KCTD15: variants seen among roughly 807,000 people sequenced by gnomAD.
KCTD15 encodes BTB/POZ domain-containing protein KCTD15.
Under a neutral mutation model 27.2 loss-of-function variants are expected in KCTD15, and 11 were observed. The ratio of observed to expected loss-of-function variants is 0.41; its 90% CI spans 0.25 to 0.67. The LOEUF is 0.67. KCTD15 is among the 30% of genes least tolerant of loss of function. The pLI, the probability that KCTD15 is intolerant of heterozygous loss-of-function variation, is 0.35. For synonymous variants in KCTD15, 163 were observed against 176.0 expected, an observed-to-expected ratio of 0.93 and a Z score of 0.58; for missense variants, 350 against 409.3, an observed-to-expected ratio of 0.86 and a Z score of 1.25.
upstream of KCTD15, among the ~76,000 whole-genome samples, chr19:33,794,965 T>C (rs540068028): frequency 1.8e-4 from 27 of 152,278 alleles, no homozygotes; most frequent in African/African-American, 6.3e-4. Context: ...TACCGGGGCG[T>C]AGGGAGCAGA....
At chr19:33,804,010 C>G (rs1975640205) in intron 4 of KCTD15, among the ~76,000 whole-genome samples, 1 of 151,448 alleles carries the variant, frequency 6.6e-6, no homozygotes, top group South Asian at 2.1e-4. Flanking sequence ...GCCGGCCCCT[C>G]AAACCCTGCA....
rs1488314962 is a variant in KCTD15, at chr19:33,796,870, A to T, written c.-244A>T. 6.6e-6 allele frequency: 1 copy of T among 151,354 alleles called. No individual in the cohort carries two copies. The highest frequency in any genetic ancestry group is 1.5e-5 in the Non-Finnish European group (1 of 67,782). The allele number at this position is 151,354 out of a possible 1,614,324, so 9.4% of individuals were successfully genotyped here. A position where few individuals can be genotyped will look rare whatever the true frequency, so the allele number is the denominator to read the frequency against. On this transcript the variant is annotated 5_prime_UTR_variant, in exon 1 of 7. Coordinates refer to ENST00000683859, the MANE Select transcript of KCTD15 (RefSeq NM_001129994.2). ...TGGGGGCGAGAGAGAAAGTAACTCC[A>T]GGACGAGACCGGAGCGACCCGCGCA...
rs1476343301 is a variant in KCTD15 at position 33,808,069 on chromosome 19, G to C, written c.387+1062G>C. 3.3e-5 allele frequency among the ~76,000 whole-genome samples: 5 copies of C among 152,272 alleles called. No homozygotes were observed. The East Asian group carries it at 9.6e-4, about 29-fold the overall frequency. ...TCTCCGGGTGAGCCCGTCAGGGCAG[G>C]TGACCTGGTTCCCTGGGTCATGCCT... On this transcript the variant is annotated intron_variant, in intron 5 of 6. Coordinates refer to ENST00000683859, the MANE Select transcript of KCTD15 (RefSeq NM_001129994.2).
At chr19:33,806,698 A>C (rs1435044207) in intron 4 of KCTD15, among the ~76,000 whole-genome samples, 165 bp from the exon 5 acceptor site, 2 of 152,080 alleles carry the variant, frequency 1.3e-5, no homozygotes, top group Non-Finnish European at 2.9e-5. Flanking sequence ...TGGCTGCCCC[A>C]GGTGTGTGCA....
chr19:33,812,527 G>A, intron 6 of KCTD15: 1 of 1,246,548 alleles, frequency 8.0e-7, no homozygotes, highest in Non-Finnish European at 1.0e-6. Context: ...AAGGCCCTGA[G>A]GGCAGCAGGA....
At chr19:33,804,091 A>G (rs1249222300) in intron 4 of KCTD15, among the ~76,000 whole-genome samples, 1 of 152,204 alleles carries the variant, frequency 6.6e-6, no homozygotes, top group Non-Finnish European at 1.5e-5. Context: ...CTGGGAACTC[A>G]TACCTGCAGG....
At chr19:33,797,281 TGTGCGC>T (rs1284971861) in intron 1 of KCTD15, 2,142 of 170,102 alleles carry the variant, frequency 0.013, 31 homozygotes, top group African/African-American at 0.047. Context: ...TGTGTGTGTG[TGTGCGC>T]GCGCGCGCGC....
chr19:33,803,973 C>T (rs1332489158), intron 4 of KCTD15, among the ~76,000 whole-genome samples: 1 of 152,318 alleles, frequency 6.6e-6, no homozygotes, highest in African/African-American at 2.4e-5. Flanking sequence ...GTGAACTGGC[C>T]ACCTCATTCC....
chr19:33,806,194 G>C (rs751873400), intron 4 of KCTD15, among the ~76,000 whole-genome samples: 4 of 152,238 alleles, frequency 2.6e-5, no homozygotes, highest in Non-Finnish European at 4.4e-5. Context: ...GTCTGCCTCT[G>C]TTTCTCCCTG....
In KCTD15 at chr19:33,811,959, G is replaced by A. The variant is rs1039175139; in HGVS notation, c.693+407G>A. On this transcript the variant is annotated intron_variant, in intron 6 of 6. Coordinates refer to ENST00000683859, the MANE Select transcript of KCTD15 (RefSeq NM_001129994.2). Reference sequence around the variant, plus strand: ...CCCTCTCCCTGCTGACCTGGGAGTCGCAGGCACCCACCAGCTGCCAAGAGA... The same window carrying A: ...CCCTCTCCCTGCTGACCTGGGAGTCACAGGCACCCACCAGCTGCCAAGAGA... 4.0e-6 allele frequency: 6 copies of A among 1,509,928 alleles called. No homozygotes were observed. In the South Asian group the frequency reaches 4.1e-5, roughly 10 times the overall value. 93.5% of individuals were successfully genotyped at this position (1,509,928 alleles called of 1,614,324 possible).
chr19:33,813,552 G>T lies in KCTD15; in HGVS notation c.*604G>T, dbSNP rs1334673598. The T allele has an allele frequency of 1.9e-5, 7 of 371,362 alleles. No homozygotes were observed. Among genetic ancestry groups the T allele is most frequent in the Non-Finnish European group, 3.2e-5 (6 of 188,600 alleles). The allele number at this position is 371,362 out of a possible 1,614,324, so 23.0% of individuals were successfully genotyped here. On this transcript the variant is annotated 3_prime_UTR_variant, in exon 7 of 7. Transcript: ENST00000683859. The stretch of plus-strand genomic sequence containing the variant: ...CGGGACAGATGCAGGGATGTGTGCT[G>T]CAGGGCTGCTGGGAGGAGAGTGGTG...
Position 33,813,021 on chromosome 19 carries a change from C to G in KCTD15, c.*73C>G. On this transcript the variant is annotated 3_prime_UTR_variant, in exon 7 of 7. Transcript: ENST00000683859. ...TGCTGGGGAGTTCTGCCTGTGTATA[C>G]TTGGCCGTGGGCATGAGACCGAGGG... 2.8e-6 allele frequency: 4 copies of G among 1,444,120 alleles called. No individual in the cohort carries two copies. The East Asian group carries it at 9.9e-5, about 36-fold the overall frequency. 89.5% of individuals were successfully genotyped at this position (1,444,120 alleles called of 1,614,324 possible). A position where few individuals can be genotyped will look rare whatever the true frequency, so the allele number is the denominator to read the frequency against.
chr19:33,800,503 G>C lies in KCTD15; in HGVS notation c.49G>C (p.Gly17Arg). 6.2e-7 allele frequency: 1 copy of C among 1,600,666 alleles called. No individual in the cohort carries two copies. The highest frequency in any genetic ancestry group is 8.5e-7 in the Non-Finnish European group (1 of 1,175,062). ...RPSGSSLHTH[G>R]STGTAEGGNM... is the part of the protein sequence containing the mutation. ...GAGCGGGTCCTCGCTTCACACACACGGCAGCACCGGCACCGCGGTGAGCCT... is the reference window on the plus strand; with the variant it reads ...GAGCGGGTCCTCGCTTCACACACACCGCAGCACCGGCACCGCGGTGAGCCT... Residue 17 changes from glycine (G) to arginine (R), a missense_variant, in exon 3 of 7, where the codon GGC becomes CGC. Gly to Arg is a moderately radical substitution (Grantham distance 125, BLOSUM62 -2). This residue lies in a region of KCTD15 where 77 missense variants were observed against 72.7 expected (regional missense o/e 1.06). Coordinates refer to ENST00000683859, the MANE Select transcript of KCTD15 (RefSeq NM_001129994.2).
At chr19:33,806,307 A>G (rs992009960) in intron 4 of KCTD15, among the ~76,000 whole-genome samples, 1 of 152,064 alleles carries the variant, frequency 6.6e-6, no homozygotes, top group Admixed American at 6.5e-5. Context: ...CTGGATCTGC[A>G]TGATATGTGT....
At chr19:33,803,716 A>G (rs1353304447) in intron 4 of KCTD15, among the ~76,000 whole-genome samples, 1 of 151,868 alleles carries the variant, frequency 6.6e-6, no homozygotes, top group African/African-American at 2.4e-5. Flanking sequence ...GACCCCCGTT[A>G]GCTGCCGCCA....
intron 5 of KCTD15, among the ~76,000 whole-genome samples, chr19:33,808,086 G>T (rs1216080245): frequency 1.3e-5 from 2 of 152,264 alleles, no homozygotes; most frequent in Non-Finnish European, 2.9e-5. Context: ...GGTTCCCTGG[G>T]TCATGCCTCA....
intron 1 of KCTD15, chr19:33,797,328 C>T: frequency 2.3e-6 from 1 of 427,384 alleles, no homozygotes; most frequent in South Asian, 1.6e-5. Context: ...GCACTCTGGC[C>T]CCTGTTCTGG....
At chr19:33,795,750 G>A (rs925363615), upstream of KCTD15, among the ~76,000 whole-genome samples, 1 of 152,112 alleles carries the variant, frequency 6.6e-6, no homozygotes, top group Admixed American at 6.5e-5. Flanking sequence ...AGCGGAGACT[G>A]GGGAGGGGCG....
intron 1 of KCTD15, chr19:33,798,357 C>T (rs1010550499): frequency 2.0e-5 from 3 of 152,256 alleles, no homozygotes; most frequent in Non-Finnish European, 4.4e-5. Flanking sequence ...GAGAGCCGAA[C>T]AACTGCGAGC....
Sources: gnomAD v4.1 joint callset for allele counts (sites outside exome capture counted in the v4.1 genomes callset) on GRCh38, gnomAD v4.1.1 for gene constraint, gnomAD v4.1.1 regional missense constraint, MANE v1.5 for transcripts, NCBI Gene and HGNC (gene_info 2026-07-23, HGNC 2026-07-21) for gene names.